LTBP1: variants seen among roughly 807,000 people sequenced by gnomAD.
LTBP1 encodes the protein latent transforming growth factor beta binding protein 1.
In LTBP1, 129 loss-of-function variants were observed where a neutral mutation model predicts 207.6. The observed-to-expected ratio is 0.62, with a 90% CI of 0.54 to 0.72. The LOEUF (loss-of-function observed/expected upper bound fraction) is 0.72. LTBP1 is among the 30% of genes least tolerant of loss of function. LTBP1 has a pLI of 0.00. For synonymous variants in LTBP1, 963 were observed against 833.7 expected (o/e 1.16, Z -2.67); for missense variants, 2,281 against 2,217.2 (o/e 1.03, Z -0.58).
At chr2:33,050,160 T>C (rs866635548) in intron 3 of LTBP1, among the ~76,000 whole-genome samples, 15 of 151,436 alleles carry the variant, frequency 9.9e-5, no homozygotes, top group African/African-American at 2.2e-4. Flanking sequence ...TTTTCTTTTT[T>C]TTTTTTTTCC....
At chr2:32,949,507 C>T (rs1184958669) in intron 2 of LTBP1, among the ~76,000 whole-genome samples, 2 of 152,230 alleles carry the variant, frequency 1.3e-5, no homozygotes, top group Non-Finnish European at 2.9e-5. Context: ...CTGCAGTTCA[C>T]ATGCATGCCC....
intron 3 of LTBP1, among the ~76,000 whole-genome samples, chr2:33,108,475 C>A (rs2080192900): frequency 1.3e-5 from 2 of 152,050 alleles, no homozygotes; most frequent in South Asian, 4.2e-4. Context: ...TATTACATTT[C>A]TGTTACATTC....
intron 10 of LTBP1, among the ~76,000 whole-genome samples, chr2:33,250,880 TGCCCA>T: frequency 6.6e-6 from 1 of 152,206 alleles, no homozygotes; most frequent in Non-Finnish European, 1.5e-5. Context: ...GGGACTGGCC[TGCCCA>T]GCTGCTAACA....
intron 31 of LTBP1, among the ~76,000 whole-genome samples, chr2:33,371,987 G>A (rs2095073902): frequency 6.6e-6 from 1 of 152,182 alleles, no homozygotes; most frequent in Non-Finnish European, 1.5e-5. Context: ...TCACTTAGTA[G>A]CAGCTCCATT....
chr2:33,220,982 T>C (rs747805241), intron 8 of LTBP1, among the ~76,000 whole-genome samples: 22 of 152,264 alleles, frequency 1.4e-4, no homozygotes, highest in Non-Finnish European at 2.9e-4. Context: ...ATGGGGAGGC[T>C]GAAATAATTT....
At chr2:33,272,367 G>A (rs1199008510) in intron 15 of LTBP1, among the ~76,000 whole-genome samples, 1 of 152,130 alleles carries the variant, frequency 6.6e-6, no homozygotes, top group East Asian at 1.9e-4. Context: ...ATGCTCAGAG[G>A]CGCCAAACTA....
chr2:33,152,718 C>T (rs1282228188), intron 5 of LTBP1, among the ~76,000 whole-genome samples: 1 of 152,164 alleles, frequency 6.6e-6, no homozygotes, highest in Non-Finnish European at 1.5e-5. Flanking sequence ...TCTTCGTGAG[C>T]TTATTAGCCA....
intron 9 of LTBP1, among the ~76,000 whole-genome samples, chr2:33,243,314 G>C (rs1265783049): frequency 6.6e-6 from 1 of 152,180 alleles, no homozygotes; most frequent in Non-Finnish European, 1.5e-5. Context: ...TAGTTAGACT[G>C]TCAGTGCTTC....
chr2:33,016,366 G>A (rs1488318993), intron 2 of LTBP1, among the ~76,000 whole-genome samples: 1 of 152,194 alleles, frequency 6.6e-6, no homozygotes, highest in Non-Finnish European at 1.5e-5. Flanking sequence ...TCAAAGAGTA[G>A]CGTTTTAGAA....
chr2:32,984,020 C>G (rs550093315), intron 2 of LTBP1, among the ~76,000 whole-genome samples: 1 of 152,120 alleles, frequency 6.6e-6, no homozygotes, highest in African/African-American at 2.4e-5. Flanking sequence ...GCATTTTTTC[C>G]CATTGGGAGG....
chr2:33,205,250 AAT>A (rs2089751854), intron 7 of LTBP1, among the ~76,000 whole-genome samples: 1 of 152,178 alleles, frequency 6.6e-6, no homozygotes, highest in Non-Finnish European at 1.5e-5. Flanking sequence ...CTGTTCCTTA[AAT>A]CTTTATTGCA....
intron 3 of LTBP1, among the ~76,000 whole-genome samples, chr2:33,101,597 G>A (rs1025631367): frequency 1.3e-5 from 2 of 152,154 alleles, no homozygotes; most frequent in Admixed American, 1.3e-4. Context: ...TTAGAATTCA[G>A]TTAAAAAGTC....
At chr2:33,359,963 A>G (rs773312724) in intron 26 of LTBP1, among the ~76,000 whole-genome samples, 11 of 152,224 alleles carry the variant, frequency 7.2e-5, no homozygotes, top group Non-Finnish European at 1.2e-4. Context: ...TCTAGGACAC[A>G]GTTGAGCTGG....
intron 5 of LTBP1, among the ~76,000 whole-genome samples, chr2:33,154,806 T>C (rs1006137424): frequency 1.2e-4 from 18 of 152,202 alleles, no homozygotes; most frequent in Admixed American, 3.3e-4. Context: ...TTCACACTTA[T>C]AATCCTAGCA....
chr2:33,214,133 G>T (rs574263261), intron 7 of LTBP1, among the ~76,000 whole-genome samples: 2 of 152,324 alleles, frequency 1.3e-5, no homozygotes, highest in South Asian at 4.1e-4. Flanking sequence ...AGAATGATCT[G>T]CATATGATGT....
intron 9 of LTBP1, among the ~76,000 whole-genome samples, chr2:33,232,863 G>A (rs1025864868): frequency 6.6e-6 from 1 of 152,096 alleles, no homozygotes; most frequent in African/African-American, 2.4e-5. Context: ...GACTACTCGT[G>A]TGTACAATTC....
chr2:32,971,163 A>C (rs62135704), intron 2 of LTBP1, among the ~76,000 whole-genome samples: 8,528 of 152,104 alleles, frequency 0.056, 266 homozygotes, highest in African/African-American at 0.076. Context: ...ACTTCGTTGA[A>C]GTTATTTATC....
chr2:32,997,716 A>T (rs543901601), intron 2 of LTBP1, among the ~76,000 whole-genome samples: 2 of 152,302 alleles, frequency 1.3e-5, no homozygotes, highest in African/African-American at 4.8e-5. Flanking sequence ...CACCCTCAGG[A>T]CGTAGCTGGA....
At chr2:33,070,209 AG>A (rs1394783566) in intron 3 of LTBP1, among the ~76,000 whole-genome samples, 1 of 152,224 alleles carries the variant, frequency 6.6e-6, no homozygotes, top group Non-Finnish European at 1.5e-5. Context: ...AAACAAACTC[AG>A]AAATATCTAT....
Sources: gnomAD v4.1 joint callset for allele counts (sites outside exome capture counted in the v4.1 genomes callset) on GRCh38, gnomAD v4.1.1 for gene constraint, MANE v1.5 for transcripts, NCBI Gene and HGNC (gene_info 2026-07-23, HGNC 2026-07-21) for gene names.